TBC1D4: variants seen among roughly 807,000 people sequenced by gnomAD.
TBC1D4 encodes the protein TBC1 domain family member 4.
Under a neutral mutation model 142.5 loss-of-function variants are expected in TBC1D4, and 121 were observed. That is an observed-to-expected ratio of 0.85 (90% CI 0.73 to 0.99). The LOEUF (loss-of-function observed/expected upper bound fraction) is 0.99, where lower values mean the gene tolerates loss of function less well. TBC1D4 is among the 50% of genes least tolerant of loss of function. The pLI, the probability that TBC1D4 is intolerant of heterozygous loss-of-function variation, is 0.00. For synonymous variants in TBC1D4, 630 were observed against 628.2 expected, an observed-to-expected ratio of 1.00 and a Z score of -0.04; for missense variants, 1,475 against 1,606.6, an observed-to-expected ratio of 0.92 and a Z score of 1.40.
intron 11 of TBC1D4, among the ~76,000 whole-genome samples, chr13:75,322,344 T>C (rs183143719): frequency 6.6e-6 from 1 of 152,284 alleles, no homozygotes; most frequent in African/African-American, 2.4e-5. Flanking sequence ...GCCATATATT[T>C]CAATACACCA....
chr13:75,385,568 A>G (rs1036060433), intron 1 of TBC1D4, among the ~76,000 whole-genome samples: 4 of 152,246 alleles, frequency 2.6e-5, no homozygotes, highest in African/African-American at 7.2e-5. Context: ...AAGCAAATAC[A>G]TGAACAATTT....
intron 5 of TBC1D4, among the ~76,000 whole-genome samples, chr13:75,345,215 G>C (rs141046666): frequency 3.0e-4 from 46 of 152,320 alleles, no homozygotes; most frequent in African/African-American, 9.9e-4. Context: ...ATGTGTAAAA[G>C]AGATTCAGTT....
At chr13:75,437,799 G>T (rs1440876777) in intron 1 of TBC1D4, among the ~76,000 whole-genome samples, 1 of 152,072 alleles carries the variant, frequency 6.6e-6, no homozygotes, top group Non-Finnish European at 1.5e-5. Context: ...GCTGTTAAGT[G>T]CCCTGACCTT....
Position 75,341,223 on chromosome 13 carries a change from C to T in TBC1D4, c.1513G>A (p.Val505Ile), listed in dbSNP as rs934916031. 3 of 1,613,694 alleles carry T rather than the reference C, an allele frequency of 1.9e-6. No homozygotes were observed. The African/African-American group carries it at 4.0e-5, about 22-fold the overall frequency. Residue 505 changes from valine to isoleucine, a missense_variant, in exon 7 of 21, where the codon GTC (valine) becomes ATC (isoleucine). Physicochemically the swap from Val to Ile is conservative, Grantham distance 29. Coordinates refer to ENST00000377636, the MANE Select transcript of TBC1D4 (RefSeq NM_014832.5). ...IFERVQKMKP[V>I]SDQEENELVI... ...AGTTCATTTTCTTCCTGGTCACTGA[C>T]TGGCTTCATTTTCTGTTCAACAGAC... is the stretch of plus-strand genomic sequence containing the variant.
intron 1 of TBC1D4, among the ~76,000 whole-genome samples, chr13:75,392,895 C>T (rs907604658): frequency 1.3e-5 from 2 of 152,102 alleles, no homozygotes; most frequent in South Asian, 2.1e-4. Flanking sequence ...CTGCCTTGGC[C>T]TCCCAAAATG....
chr13:75,330,080 C>T (rs1437223030), intron 8 of TBC1D4, among the ~76,000 whole-genome samples: 1 of 152,210 alleles, frequency 6.6e-6, no homozygotes, highest in African/African-American at 2.4e-5. Context: ...AATTTCCTTG[C>T]AGGCATTTTT....
At chr13:75,457,644 G>C (rs751193962) in intron 1 of TBC1D4, among the ~76,000 whole-genome samples, 1 of 152,178 alleles carries the variant, frequency 6.6e-6, no homozygotes, top group Admixed American at 6.5e-5. Context: ...GGACTTAAAA[G>C]TCTTTCACTT....
chr13:75,341,614 TAAAC>T, intron 5 of TBC1D4, 27 bp from the exon 6 acceptor site: 1 of 1,560,380 alleles, frequency 6.4e-7, no homozygotes, highest in Non-Finnish European at 8.8e-7. Context: ...GGGAAGGTAT[TAAAC>T]AGAGTCTAGC....
chr13:75,310,432 C>T (rs1004194880), intron 13 of TBC1D4, among the ~76,000 whole-genome samples: 3 of 152,180 alleles, frequency 2.0e-5, no homozygotes, highest in Non-Finnish European at 4.4e-5. Flanking sequence ...ACTAACTGGC[C>T]TCTCCTGAGT....
At chr13:75,385,516 TA>T (rs916376260) in intron 1 of TBC1D4, among the ~76,000 whole-genome samples, 1 of 152,222 alleles carries the variant, frequency 6.6e-6, no homozygotes, top group African/African-American at 2.4e-5. Flanking sequence ...GTGCCTGTTC[TA>T]AAAAGAGACG....
chr13:75,337,903 C>T (rs1880360594), intron 7 of TBC1D4, among the ~76,000 whole-genome samples: 1 of 152,028 alleles, frequency 6.6e-6, no homozygotes, highest in African/African-American at 2.4e-5. Flanking sequence ...ATATTGCTTG[C>T]CATTACTTTT....
At chr13:75,351,530 T>C in intron 4 of TBC1D4, among the ~76,000 whole-genome samples, 1 of 151,898 alleles carries the variant, frequency 6.6e-6, no homozygotes, top group Non-Finnish European at 1.5e-5. Context: ...TAACTCGTCA[T>C]TTAGCATTAG....
At chr13:75,457,689 A>G (rs1228502299) in intron 1 of TBC1D4, among the ~76,000 whole-genome samples, 1 of 152,236 alleles carries the variant, frequency 6.6e-6, no homozygotes, top group African/African-American at 2.4e-5. Flanking sequence ...CTGCCTAATC[A>G]CAAGAAGTAC....
chr13:75,427,485 A>C (rs1164739128), intron 1 of TBC1D4, among the ~76,000 whole-genome samples: 1 of 152,112 alleles, frequency 6.6e-6, no homozygotes, highest in Non-Finnish European at 1.5e-5. Context: ...CAAGTTCAAG[A>C]CCAGCCTGGC....
Position 75,481,568 on chromosome 13 carries a change from T to C in TBC1D4, c.200A>G (p.Gln67Arg), listed in dbSNP as rs892077178. 1 of 1,599,746 alleles carries C rather than the reference T, an allele frequency of 6.3e-7. No individual in the cohort carries two copies. The highest frequency in any genetic ancestry group is 8.5e-7 in the Non-Finnish European group (1 of 1,173,452). The change falls in exon 1 of 21, where the codon CAG (glutamine) becomes CGG (arginine). Residue 67 changes from glutamine to arginine, a missense_variant. This residue lies in a region of TBC1D4 where 1,227 missense variants were observed against 1,267.7 expected (regional missense o/e 0.97). Coordinates refer to ENST00000377636, the MANE Select transcript of TBC1D4 (RefSeq NM_014832.5). ...WLMAEIRRRS[Q>R]KPEAGGCGAP... ...CCCGCAGCCGCCCGCCTCGGGCTTC[T>C]GGCTGCGCCTGCGGATCTCGGCCAT... is the stretch of plus-strand genomic sequence containing the variant.
intron 1 of TBC1D4, among the ~76,000 whole-genome samples, chr13:75,412,726 G>GA (rs1298624419): frequency 1.3e-5 from 2 of 152,060 alleles, no homozygotes; most frequent in Non-Finnish European, 2.9e-5. Flanking sequence ...GTTATTACCA[G>GA]AAAAAAAGAT....
At chr13:75,446,050 G>T (rs974093803) in intron 1 of TBC1D4, among the ~76,000 whole-genome samples, 1 of 152,178 alleles carries the variant, frequency 6.6e-6, no homozygotes, top group Non-Finnish European at 1.5e-5. Flanking sequence ...AAGTATTTTT[G>T]ACATAAGCTG....
Position 75,310,952 on chromosome 13 carries a change from CAT to C in TBC1D4, c.2384-803_2384-802del, listed in dbSNP as rs549451667. The stretch of plus-strand genomic sequence containing the variant: ...TTCTTAGGATAATAACCTCCAGCTA[CAT>C]CCATGTGGCTCCAAAGGACATGATT... On this transcript the variant is annotated intron_variant, in intron 13 of 20. Transcript: ENST00000377636. Among the ~76,000 whole-genome samples, 7 of 152,304 alleles carry C rather than the reference CAT, an allele frequency of 4.6e-5. No individual in the cohort carries two copies. The South Asian group carries it at 8.3e-4, about 18-fold the overall frequency.
At chr13:75,365,369 G>C (rs4052617) in intron 1 of TBC1D4, among the ~76,000 whole-genome samples, 28,596 of 148,402 alleles carry the variant, frequency 0.19, 3,168 homozygotes, top group East Asian at 0.34. Context: ...GTGAAACACA[G>C]AGTATAAACA....
Sources: allele counts gnomAD v4.1 joint callset (sites outside exome capture counted in the v4.1 genomes callset), GRCh38; gene constraint gnomAD v4.1.1; regional missense constraint gnomAD v4.1.1; transcripts MANE v1.5; gene names NCBI Gene and HGNC (gene_info 2026-07-23, HGNC 2026-07-21).